Variants in RELN observed in about 807,000 individuals in gnomAD.
RELN encodes the protein reelin.
A neutral mutation model predicts 427.6 loss-of-function variants in RELN; 108 were observed. That is an observed-to-expected ratio of 0.25 (90% confidence interval 0.22 to 0.30). The LOEUF (loss-of-function observed/expected upper bound fraction) is 0.30, where lower values mean the gene tolerates loss of function less well. Among genes scored for constraint, RELN ranks in the 10% least tolerant of loss-of-function variants. The pLI is 1.00. For synonymous variants in RELN, 1,524 were observed against 1,513.4 expected (o/e 1.01, Z -0.16); for missense variants, 3,715 against 4,302.8 (o/e 0.86, Z 3.82).
intron 6 of RELN, among the ~76,000 whole-genome samples, chr7:103,735,192 A>C (rs887399450): frequency 6.6e-6 from 1 of 152,162 alleles, no homozygotes; most frequent in Non-Finnish European, 1.5e-5. Context: ...TTTGTCTTCC[A>C]CTGTAACAAG....
chr7:103,917,946 A>G (rs902840475), intron 1 of RELN, among the ~76,000 whole-genome samples: 10 of 152,082 alleles, frequency 6.6e-5, no homozygotes, highest in Non-Finnish European at 1.2e-4. Context: ...TTTCTCCTGC[A>G]TAGGTTTTAT....
chr7:103,925,790 T>C (rs1266504304), intron 1 of RELN, among the ~76,000 whole-genome samples: 1 of 152,194 alleles, frequency 6.6e-6, no homozygotes, highest in Admixed American at 6.5e-5. Flanking sequence ...GCATGGATAA[T>C]TTTCTAGGTT....
intron 6 of RELN, among the ~76,000 whole-genome samples, chr7:103,732,528 C>T (rs545891793): frequency 6.6e-6 from 1 of 151,998 alleles, no homozygotes; most frequent in East Asian, 1.9e-4. Flanking sequence ...TCATGATGAA[C>T]ACAATGATCC....
chr7:103,743,126 G>T (rs1315078216), intron 6 of RELN, among the ~76,000 whole-genome samples: 1 of 151,446 alleles, frequency 6.6e-6, no homozygotes, highest in Non-Finnish European at 1.5e-5. Flanking sequence ...TTAAAGAAAA[G>T]AATTTTCAAC....
At chr7:103,920,071 T>C (rs1795578721) in intron 1 of RELN, among the ~76,000 whole-genome samples, 1 of 126,258 alleles carries the variant, frequency 7.9e-6, no homozygotes, top group Non-Finnish European at 1.8e-5. Context: ...GATCTAGATA[T>C]ACTCATTTGA....
At chr7:103,933,435 C>T (rs954392770) in intron 1 of RELN, among the ~76,000 whole-genome samples, 1 of 129,796 alleles carries the variant, frequency 7.7e-6, no homozygotes, top group African/African-American at 2.9e-5. Context: ...TCACTCATGC[C>T]TGTAATGCCA....
chr7:103,672,018 A>G (rs1228709368), intron 11 of RELN, among the ~76,000 whole-genome samples: 3 of 152,162 alleles, frequency 2.0e-5, no homozygotes, highest in African/African-American at 7.2e-5. Flanking sequence ...AATCAGAGGT[A>G]ACAATTCATC....
intron 3 of RELN, among the ~76,000 whole-genome samples, chr7:103,787,029 T>C: frequency 6.6e-6 from 1 of 152,100 alleles, no homozygotes; most frequent in East Asian, 1.9e-4. Context: ...AAATTAGAAC[T>C]CAGCATTAAG....
intron 38 of RELN, among the ~76,000 whole-genome samples, chr7:103,555,137 G>A (rs1258775585): frequency 6.6e-6 from 1 of 152,108 alleles, no homozygotes; most frequent in Non-Finnish European, 1.5e-5. Flanking sequence ...TAGACCAGGT[G>A]TTTAAGGAAT....
At chr7:103,932,719 C>A (rs1211120608) in intron 1 of RELN, among the ~76,000 whole-genome samples, 1 of 152,170 alleles carries the variant, frequency 6.6e-6, no homozygotes, top group African/African-American at 2.4e-5. Flanking sequence ...CAAAAGCAAG[C>A]TACCAAAGTG....
chr7:103,661,245 C>T, intron 12 of RELN, 131 bp downstream of exon 12: 1 of 1,011,906 alleles, frequency 9.9e-7, no homozygotes, highest in Non-Finnish European at 1.5e-6. Context: ...GGCTTCTGCT[C>T]TGTCTGGAGA....
intron 4 of RELN, among the ~76,000 whole-genome samples, chr7:103,772,084 A>T (rs995215491): frequency 2.0e-5 from 3 of 152,310 alleles, no homozygotes; most frequent in South Asian, 4.1e-4. Flanking sequence ...AGCTATAATG[A>T]ATTACTGGCT....
intron 2 of RELN, among the ~76,000 whole-genome samples, chr7:103,886,662 G>A (rs1483221489): frequency 2.0e-5 from 3 of 152,130 alleles, no homozygotes; most frequent in African/African-American, 7.2e-5. Flanking sequence ...TGTGAGATAA[G>A]GATACCTGTT....
At chr7:103,644,223 T>C (rs996804215) in intron 16 of RELN, among the ~76,000 whole-genome samples, 1 of 151,712 alleles carries the variant, frequency 6.6e-6, no homozygotes, top group Non-Finnish European at 1.5e-5. Flanking sequence ...TGTTAAAAAA[T>C]CATACTAATT....
intron 4 of RELN, among the ~76,000 whole-genome samples, chr7:103,764,370 T>C: frequency 6.6e-6 from 1 of 152,074 alleles, no homozygotes; most frequent in East Asian, 1.9e-4. Context: ...GACTCAAAGA[T>C]TTCATGGCTA....
intron 1 of RELN, among the ~76,000 whole-genome samples, chr7:103,960,810 A>C (rs7805541): frequency 0.26 from 39,183 of 152,172 alleles, 7,151 homozygotes; most frequent in African/African-American, 0.51. Context: ...CCTTCCTTAT[A>C]TACAGAAAAA....
At chr7:103,577,632 C>T (rs1327728174) in intron 28 of RELN, among the ~76,000 whole-genome samples, 3 of 149,824 alleles carry the variant, frequency 2.0e-5, no homozygotes, top group African/African-American at 7.4e-5. Flanking sequence ...GGAGCTGTAA[C>T]ATTATTCAGC....
chr7:103,820,727 T>C (rs973154513), intron 3 of RELN, among the ~76,000 whole-genome samples: 1 of 152,110 alleles, frequency 6.6e-6, no homozygotes, highest in African/African-American at 2.4e-5. Context: ...TATGAACAGC[T>C]CTATTATACT....
intron 2 of RELN, among the ~76,000 whole-genome samples, chr7:103,871,080 C>T (rs900590163): frequency 6.6e-6 from 1 of 152,016 alleles, no homozygotes; most frequent in African/African-American, 2.4e-5. Context: ...AAGTAAAAAC[C>T]CAATCTATTT....
Sources: gnomAD v4.1 joint callset for allele counts (sites outside exome capture counted in the v4.1 genomes callset) on GRCh38, gnomAD v4.1.1 for gene constraint, MANE v1.5 for transcripts, NCBI Gene and HGNC (gene_info 2026-07-23, HGNC 2026-07-21) for gene names.